ARHGAP12: variants seen among roughly 807,000 people sequenced by gnomAD.
The protein encoded by ARHGAP12 is Rho GTPase activating protein 12, also known as rho GTPase-activating protein 12.
ARHGAP12 carries 64 observed loss-of-function variants against 108.6 expected under a neutral mutation model. The observed-to-expected ratio is 0.59, with a 90% CI of 0.48 to 0.73. The LOEUF (loss-of-function observed/expected upper bound fraction) is 0.73. Among genes scored for constraint, ARHGAP12 ranks in the 30% least tolerant of loss-of-function variants. The pLI is 0.00. For missense variants in ARHGAP12, 940 were observed against 1,005.9 expected (o/e 0.93, Z 0.89); for synonymous variants, 312 against 337.2 (o/e 0.93, Z 0.82).
intron 1 of ARHGAP12, chr10:31,913,398 G>T: frequency 6.0e-6 from 1 of 167,816 alleles, no homozygotes. Flanking sequence ...CAAAATAGAA[G>T]TTCAAGGATC....
At chr10:31,888,892 G>A (rs536469462) in intron 3 of ARHGAP12, among the ~76,000 whole-genome samples, 6 of 151,470 alleles carry the variant, frequency 4.0e-5, no homozygotes, top group Non-Finnish European at 8.8e-5. Context: ...AGAAAAGATG[G>A]ATGGGAGGTG....
At chr10:31,913,949 G>A (rs1839456821) in intron 1 of ARHGAP12, among the ~76,000 whole-genome samples, 1 of 152,164 alleles carries the variant, frequency 6.6e-6, no homozygotes, top group Non-Finnish European at 1.5e-5. Context: ...CACGGGGGTT[G>A]TAAAATGGCA....
chr10:31,848,475 C>T (rs897329086), intron 6 of ARHGAP12, among the ~76,000 whole-genome samples: 5 of 151,962 alleles, frequency 3.3e-5, no homozygotes, highest in Admixed American at 1.3e-4. Flanking sequence ...CCACACCATT[C>T]CTCCATTCTC....
chr10:31,919,791 C>CAA (rs1007502598), intron 1 of ARHGAP12, among the ~76,000 whole-genome samples: 1 of 122,738 alleles, frequency 8.1e-6, no homozygotes, highest in African/African-American at 3.0e-5. Context: ...GACTCCATTT[C>CAA]AAAAAAAAAA....
chr10:31,917,169 G>GC (rs1839593802), intron 1 of ARHGAP12, among the ~76,000 whole-genome samples: 1 of 151,802 alleles, frequency 6.6e-6, no homozygotes, highest in Admixed American at 6.6e-5. Context: ...CAGCACTTTG[G>GC]GGGGCTGAGG....
At chr10:31,879,678 T>C (rs1169066566) in intron 3 of ARHGAP12, among the ~76,000 whole-genome samples, 4 of 152,298 alleles carry the variant, frequency 2.6e-5, no homozygotes, top group African/African-American at 7.2e-5. Context: ...AATCACCTAA[T>C]ATGGCTCACA....
intron 3 of ARHGAP12, among the ~76,000 whole-genome samples, chr10:31,890,185 A>G (rs1838361534): frequency 6.6e-6 from 1 of 152,174 alleles, no homozygotes; most frequent in Non-Finnish European, 1.5e-5. Flanking sequence ...AAGGATCAGC[A>G]AAGCAGAGGC....
At chr10:31,857,135 G>A (rs1469656966) in intron 4 of ARHGAP12, among the ~76,000 whole-genome samples, 2 of 152,126 alleles carry the variant, frequency 1.3e-5, no homozygotes, top group South Asian at 2.1e-4. Context: ...ATACGCACAC[G>A]TGTGTATGTG....
In ARHGAP12 at chr10:31,814,293, T is replaced by A; in HGVS notation, c.1800A>T (p.Lys600Asn). The A allele has an allele frequency of 6.2e-7, 1 of 1,614,108 alleles. No individual in the cohort carries two copies. Among genetic ancestry groups the A allele is most frequent in the Non-Finnish European group, 8.5e-7 (1 of 1,179,972 alleles). Residue 600 changes from lysine to asparagine, a missense_variant, in exon 14 of 20, where the codon AAA (lysine) becomes AAT (asparagine). Physicochemically the swap from Lys to Asn is moderately conservative, Grantham distance 94 (BLOSUM62 0). Transcript: ENST00000344936. ...PDSPGIEKHD[K>N]EKEQKDPKKL... ...TTTTGGGATCCTTTTGTTCCTTTTC[T>A]TTATCATGCTTTTCTATTCCTGGTG...
In ARHGAP12 at chr10:31,807,642, T is replaced by C. The variant is rs1234211661; in HGVS notation, c.*16A>G. On this transcript the variant is annotated 3_prime_UTR_variant, in exon 20 of 20. Transcript: ENST00000344936. ...TGGAATCCAGCTTCTATTCCACAGG[T>C]TGTCTTCAGTAAGAATCAACGTCCG... 2.5e-6 allele frequency: 4 copies of C among 1,583,998 alleles called. No homozygotes were observed. The highest frequency in any genetic ancestry group is 2.6e-6 in the Non-Finnish European group (3 of 1,169,282).
At chr10:31,840,849 C>T (rs992718030) in intron 7 of ARHGAP12, among the ~76,000 whole-genome samples, 1 of 152,066 alleles carries the variant, frequency 6.6e-6, no homozygotes, top group African/African-American at 2.4e-5. Flanking sequence ...AAACAAGGTA[C>T]TATTAATGGA....
rs1016828287 is a variant in ARHGAP12, at chr10:31,806,749, G to C, written c.*909C>G. ...CCCAAATAACGGACTATTTCTGGAG[G>C]AAACCTAATATTCACAGAAAAGATT... On this transcript the variant is annotated 3_prime_UTR_variant, in exon 20 of 20. Coordinates refer to ENST00000344936, the MANE Select transcript of ARHGAP12 (RefSeq NM_018287.7). 1 of 152,560 alleles carries C rather than the reference G, an allele frequency of 6.6e-6. No homozygotes were observed. The allele number at this position is 152,560 out of a possible 1,614,324, so 9.5% of individuals were successfully genotyped here.
At position 31,890,022 on chromosome 10, in the gene ARHGAP12, C is replaced by T. The variant is rs565061053; in HGVS notation, c.684+18150G>A. On this transcript the variant is annotated intron_variant, in intron 3 of 19. Coordinates refer to ENST00000344936, the MANE Select transcript of ARHGAP12 (RefSeq NM_018287.7). The stretch of plus-strand genomic sequence containing the variant: ...CACTGCCTGTATATACATTACTGTG[C>T]AGTGAATAGAACTAATATTGTACCA... 1.1e-4 allele frequency among the ~76,000 whole-genome samples: 16 copies of T among 152,252 alleles called. 1 individual carries two copies. The highest frequency in any genetic ancestry group is 2.1e-4 in the South Asian group (1 of 4,822).
At chr10:31,860,090 ATAGT>A (rs1227235353) in intron 4 of ARHGAP12, among the ~76,000 whole-genome samples, 1 of 152,218 alleles carries the variant, frequency 6.6e-6, no homozygotes. Context: ...CTTTCTTGTT[ATAGT>A]TAAACATGAA....
At chr10:31,885,363 C>A (rs1838153757) in intron 3 of ARHGAP12, among the ~76,000 whole-genome samples, 1 of 152,142 alleles carries the variant, frequency 6.6e-6, no homozygotes, top group African/African-American at 2.4e-5. Flanking sequence ...AAGTATCTAT[C>A]CAGTGCTTGA....
intron 10 of ARHGAP12, among the ~76,000 whole-genome samples, chr10:31,829,256 A>G (rs535999653): frequency 9.2e-5 from 14 of 152,356 alleles, no homozygotes; most frequent in Admixed American, 7.8e-4. Context: ...TACATATAAC[A>G]TATCATTCCA....
At chr10:31,854,295 A>C in intron 4 of ARHGAP12, 89 bp from the exon 5 acceptor site, 1 of 1,148,996 alleles carries the variant, frequency 8.7e-7, no homozygotes, top group Non-Finnish European at 1.2e-6. Context: ...TTACTTGACT[A>C]TAAGTATGAA....
At chr10:31,921,565 A>G (rs1460191825) in intron 1 of ARHGAP12, among the ~76,000 whole-genome samples, 1 of 151,846 alleles carries the variant, frequency 6.6e-6, no homozygotes, top group Non-Finnish European at 1.5e-5. Context: ...GGAGTTCGAT[A>G]CCAGCCTGAC....
chr10:31,900,175 T>C (rs189766924), intron 3 of ARHGAP12, among the ~76,000 whole-genome samples: 2 of 152,312 alleles, frequency 1.3e-5, no homozygotes, highest in East Asian at 1.9e-4. Context: ...ATACTTTACA[T>C]GTATTAGAAT....
Sources: gnomAD v4.1 joint callset for allele counts (sites outside exome capture counted in the v4.1 genomes callset) on GRCh38, gnomAD v4.1.1 for gene constraint, MANE v1.5 for transcripts, NCBI Gene and HGNC (gene_info 2026-07-23, HGNC 2026-07-21) for gene names.